KCNN2: variants seen among roughly 807,000 people sequenced by gnomAD.
KCNN2 encodes the protein small conductance calcium-activated potassium channel protein 2.
Under a neutral mutation model 55.5 loss-of-function variants are expected in KCNN2, and 24 were observed. The ratio of observed to expected loss-of-function variants is 0.43; its 90% CI spans 0.31 to 0.61. The LOEUF is 0.61. KCNN2 is among the 20% of genes least tolerant of loss of function. KCNN2 has a pLI of 0.08. For missense variants in KCNN2, 754 were observed against 853.6 expected (o/e 0.88, Z 1.45); for synonymous variants, 431 against 336.1 (o/e 1.28, Z -3.09).
intron 2 of KCNN2, among the ~76,000 whole-genome samples, chr5:114,309,288 C>T (rs1756350725): frequency 6.6e-6 from 1 of 152,112 alleles, no homozygotes; most frequent in South Asian, 2.1e-4. Context: ...GATTCAAGGT[C>T]CGTAACATAA....
At chr5:114,364,816 A>C (rs1757554378) in intron 2 of KCNN2, among the ~76,000 whole-genome samples, 2 of 151,964 alleles carry the variant, frequency 1.3e-5, no homozygotes, top group Admixed American at 1.3e-4. Flanking sequence ...TTTTCAGCTT[A>C]GAATTTGCAC....
chr5:114,394,240 A>T (rs1758547045), intron 2 of KCNN2, among the ~76,000 whole-genome samples: 3 of 152,190 alleles, frequency 2.0e-5, no homozygotes, highest in East Asian at 1.9e-4. Flanking sequence ...CTTATGATTG[A>T]GGTTGGGCAT....
chr5:114,443,152 G>A (rs372773438), intron 3 of KCNN2, among the ~76,000 whole-genome samples: 15 of 152,062 alleles, frequency 9.9e-5, no homozygotes, highest in African/African-American at 2.9e-4. Flanking sequence ...TTAACTGGGC[G>A]TGGTGGCGCG....
At chr5:114,114,176 T>C (rs1751664688) in intron 1 of KCNN2, among the ~76,000 whole-genome samples, 1 of 152,118 alleles carries the variant, frequency 6.6e-6, no homozygotes, top group Non-Finnish European at 1.5e-5. Flanking sequence ...AAAAGTTAAA[T>C]TGATGCAGAC....
chr5:114,309,576 C>T (rs1404226826), intron 2 of KCNN2, among the ~76,000 whole-genome samples: 1 of 152,168 alleles, frequency 6.6e-6, no homozygotes, highest in Non-Finnish European at 1.5e-5. Flanking sequence ...CACTACAGGC[C>T]TGTGGATGTA....
chr5:114,169,546 T>C (rs62382873), intron 1 of KCNN2, among the ~76,000 whole-genome samples: 7,913 of 152,212 alleles, frequency 0.052, 272 homozygotes, highest in Middle Eastern at 0.11. Context: ...GGAACTTTTA[T>C]CTCCTCTGCA....
intron 2 of KCNN2, among the ~76,000 whole-genome samples, chr5:114,293,653 C>CT (rs1259720495): frequency 6.6e-6 from 1 of 152,044 alleles, no homozygotes; most frequent in African/African-American, 2.4e-5. Context: ...CTAAAATTCT[C>CT]TTTTTTTGTT....
At chr5:114,377,505 A>C (rs1416162358) in intron 2 of KCNN2, among the ~76,000 whole-genome samples, 1 of 152,200 alleles carries the variant, frequency 6.6e-6, no homozygotes, top group Non-Finnish European at 1.5e-5. Flanking sequence ...TGCTTGAATG[A>C]AGGTGATAGA....
chr5:114,109,823 T>C (rs187798119), intron 1 of KCNN2, among the ~76,000 whole-genome samples: 1 of 152,052 alleles, frequency 6.6e-6, no homozygotes, highest in Non-Finnish European at 1.5e-5. Flanking sequence ...TGTCAAGGCG[T>C]GGGGATTTTC....
chr5:114,216,846 A>G (rs1381379768), intron 1 of KCNN2, among the ~76,000 whole-genome samples: 1 of 152,108 alleles, frequency 6.6e-6, no homozygotes, highest in African/African-American at 2.4e-5. Flanking sequence ...TTCACAGATG[A>G]CGTGATTATC....
At chr5:114,245,580 T>G (rs1200577082) in intron 2 of KCNN2, among the ~76,000 whole-genome samples, 1 of 152,278 alleles carries the variant, frequency 6.6e-6, no homozygotes, top group East Asian at 1.9e-4. Flanking sequence ...TGGTTTATAG[T>G]GTAGTGGATG....
At chr5:114,127,062 T>C (rs540405479) in intron 1 of KCNN2, among the ~76,000 whole-genome samples, 1 of 152,308 alleles carries the variant, frequency 6.6e-6, no homozygotes, top group Non-Finnish European at 1.5e-5. Flanking sequence ...CTTTGCAGGG[T>C]ACAGCCTCCC....
chr5:114,203,265 C>T (rs1294349212), intron 1 of KCNN2, among the ~76,000 whole-genome samples: 1 of 152,044 alleles, frequency 6.6e-6, no homozygotes, highest in Non-Finnish European at 1.5e-5. Flanking sequence ...TCTTATAATA[C>T]ATTGAAAGTT....
chr5:114,480,112 T>C (rs1022864465), intron 5 of KCNN2, among the ~76,000 whole-genome samples: 10 of 151,350 alleles, frequency 6.6e-5, no homozygotes, highest in African/African-American at 2.4e-4. Context: ...AATAAATAGA[T>C]AGACCACTAG....
chr5:114,086,174 A>G (rs1751012130), intron 1 of KCNN2, among the ~76,000 whole-genome samples: 1 of 151,968 alleles, frequency 6.6e-6, no homozygotes, highest in Admixed American at 6.6e-5. Flanking sequence ...TTTAACAGGC[A>G]TTTCTTATAG....
chr5:114,244,232 C>T (rs952899064), intron 2 of KCNN2, among the ~76,000 whole-genome samples: 11 of 151,898 alleles, frequency 7.2e-5, no homozygotes, highest in African/African-American at 1.5e-4. Context: ...TGTTGGAGCA[C>T]GCAGTAAACA....
chr5:114,464,866 T>C (rs1761368938), intron 4 of KCNN2, among the ~76,000 whole-genome samples: 1 of 152,150 alleles, frequency 6.6e-6, no homozygotes, highest in African/African-American at 2.4e-5. Flanking sequence ...TCACTTCCCC[T>C]TTTTTCCTCA....
chr5:114,094,351 GA>G (rs1286456713), intron 1 of KCNN2, among the ~76,000 whole-genome samples: 1 of 152,144 alleles, frequency 6.6e-6, no homozygotes, highest in Non-Finnish European at 1.5e-5. Context: ...GAAAATTGTT[GA>G]GAAGGATCCA....
chr5:114,437,639 CCTT>C (rs1760054998), intron 3 of KCNN2, among the ~76,000 whole-genome samples: 1 of 152,118 alleles, frequency 6.6e-6, no homozygotes, highest in Non-Finnish European at 1.5e-5. Context: ...TAGTTCAAAT[CCTT>C]CTGATTAACT....
Sources: gnomAD v4.1 joint callset for allele counts (sites outside exome capture counted in the v4.1 genomes callset) on GRCh38, gnomAD v4.1.1 for gene constraint, MANE v1.5 for transcripts, NCBI Gene and HGNC (gene_info 2026-07-23, HGNC 2026-07-21) for gene names.